DNAI4: variants seen among roughly 807,000 people sequenced by gnomAD.
DNAI4 encodes the protein dynein axonemal intermediate chain 4.
DNAI4 carries 85 observed loss-of-function variants against 105.8 expected under a neutral mutation model. That is an observed-to-expected ratio of 0.80 (90% CI 0.67 to 0.96). DNAI4 has a LOEUF of 0.96. Among genes scored for constraint, DNAI4 ranks in the 40% least tolerant of loss-of-function variants. The pLI is 0.00. For missense variants in DNAI4, 1,014 were observed against 1,005.6 expected (o/e 1.01, Z -0.11); for synonymous variants, 352 against 331.5 (o/e 1.06, Z -0.67).
chr1:66,865,751 C>G (rs1186862065), intron 6 of DNAI4, among the ~76,000 whole-genome samples: 1 of 152,166 alleles, frequency 6.6e-6, no homozygotes, highest in African/African-American at 2.4e-5. Flanking sequence ...GTGCCTCAGC[C>G]AGAAATGACC....
At chr1:66,829,328 T>C (rs1257776312) in intron 13 of DNAI4, among the ~76,000 whole-genome samples, 4 of 152,026 alleles carry the variant, frequency 2.6e-5, no homozygotes, top group Non-Finnish European at 5.9e-5. Context: ...TACAAAAAAA[T>C]TTAAGTATAA....
Position 66,835,754 on chromosome 1 carries a change from A to ACT in DNAI4, c.1603_1604dup (p.Ser535ArgfsTer19), listed in dbSNP as rs1421522832. ...AATCCACAGCAGTAACTCCATATGG[A>ACT]CTCTGATAAATACGTTCTGGCCACT... On this transcript the variant is annotated frameshift_variant, in exon 11 of 17. Coordinates refer to ENST00000371026, the MANE Select transcript of DNAI4 (RefSeq NM_024763.5). LOFTEE classifies it high-confidence loss of function. 1 of 1,613,926 alleles carries ACT rather than the reference A, an allele frequency of 6.2e-7. No homozygotes were observed.
intron 14 of DNAI4, 96 bp downstream of exon 14, chr1:66,827,716 T>C: frequency 1.7e-6 from 1 of 594,762 alleles, no homozygotes; most frequent in African/African-American, 1.9e-5. Context: ...AACTCTGAAG[T>C]TGTAAATTTA....
chr1:66,826,936 C>T lies in DNAI4; in HGVS notation c.2223G>A (p.Leu741=), dbSNP rs373263656. The T allele has an allele frequency of 1.5e-4, 250 of 1,613,996 alleles. No individual in the cohort carries two copies. Among genetic ancestry groups the T allele is most frequent in the Non-Finnish European group, 1.7e-4 (197 of 1,180,032 alleles). Residue 741 remains leucine (L), a synonymous_variant, in exon 15 of 17, where the codon TTG becomes TTA. Coordinates refer to ENST00000371026, the MANE Select transcript of DNAI4 (RefSeq NM_024763.5). ...CAACAGAAGTAGCTGGATAAAAACT[C>T]AAAGATGGCTTGACATTCTCCTGTT... ...IWQQENVKPS[L]SFYPATSVVY...
At chr1:66,902,155 G>T (rs371702445) in intron 2 of DNAI4, among the ~76,000 whole-genome samples, 62 of 152,102 alleles carry the variant, frequency 4.1e-4, no homozygotes, top group African/African-American at 1.5e-3. Flanking sequence ...TTTTCATAGT[G>T]GCCACACCAT....
intron 2 of DNAI4, chr1:66,904,837 T>C (rs1419593734): frequency 1.4e-5 from 3 of 215,448 alleles, no homozygotes; most frequent in Non-Finnish European, 2.7e-5. Context: ...TAATTATGAA[T>C]CTTCTAGTAA....
chr1:66,922,645 C>A (rs1477330158), intron 1 of DNAI4, among the ~76,000 whole-genome samples: 3 of 152,092 alleles, frequency 2.0e-5, no homozygotes, highest in Non-Finnish European at 4.4e-5. Flanking sequence ...GAGTGGTAGT[C>A]TGGATTTATT....
At chr1:66,849,930 A>G (rs1406827712) in intron 7 of DNAI4, among the ~76,000 whole-genome samples, 1 of 152,148 alleles carries the variant, frequency 6.6e-6, no homozygotes, top group African/African-American at 2.4e-5. Context: ...CAACCATAAC[A>G]ACATATGTAC....
intron 4 of DNAI4, among the ~76,000 whole-genome samples, chr1:66,883,483 G>C (rs1647126331): frequency 6.6e-6 from 1 of 151,892 alleles, no homozygotes; most frequent in African/African-American, 2.4e-5. Context: ...TTGCCATGTT[G>C]GCCAGGCTGG....
intron 1 of DNAI4, among the ~76,000 whole-genome samples, chr1:66,906,162 C>T (rs952949057): frequency 3.3e-5 from 5 of 152,048 alleles, no homozygotes; most frequent in Middle Eastern, 3.4e-3. Flanking sequence ...GCCTCGTGAT[C>T]GTCTCACCTC....
intron 4 of DNAI4, among the ~76,000 whole-genome samples, chr1:66,886,236 C>T (rs1247192567): frequency 6.6e-6 from 1 of 152,178 alleles, no homozygotes; most frequent in Non-Finnish European, 1.5e-5. Context: ...ACACCTTGCA[C>T]ATTGTATACT....
chr1:66,888,489 T>A (rs917738550), intron 4 of DNAI4, among the ~76,000 whole-genome samples: 5 of 152,156 alleles, frequency 3.3e-5, no homozygotes, highest in African/African-American at 1.2e-4. Context: ...GGTCAGCAGT[T>A]CAAGACCAGC....
chr1:66,826,988 G>A lies in DNAI4; in HGVS notation c.2171C>T (p.Ser724Phe), dbSNP rs1001054810. Residue 724 changes from serine (S) to phenylalanine (F), a missense_variant, in exon 15 of 17, where the codon TCT becomes TTT. Physicochemically the swap from Ser to Phe is radical, Grantham distance 155. Coordinates refer to ENST00000371026, the MANE Select transcript of DNAI4 (RefSeq NM_024763.5). ...PFCHDVFLSC[S>F]ADWGVIIWQQ... ...CCATATAATAACACCCCAATCTGCA[G>A]AACAGCTTAAAAATACATCATGACA... 6.2e-7 allele frequency: 1 copy of A among 1,613,690 alleles called. No homozygotes were observed. The highest frequency in any genetic ancestry group is 1.3e-5 in the African/African-American group (1 of 74,834).
chr1:66,838,726 C>T (rs1326155400), intron 9 of DNAI4, among the ~76,000 whole-genome samples: 1 of 152,200 alleles, frequency 6.6e-6, no homozygotes, highest in African/African-American at 2.4e-5. Flanking sequence ...AAACAGTCTT[C>T]ACTACTATAT....
At chr1:66,866,941 T>A (rs1042063381) in intron 6 of DNAI4, among the ~76,000 whole-genome samples, 3 of 152,184 alleles carry the variant, frequency 2.0e-5, no homozygotes, top group African/African-American at 7.2e-5. Flanking sequence ...GGAAGGTATG[T>A]CTTGCATGGC....
chr1:66,912,117 G>A (rs1219841687), intron 1 of DNAI4, among the ~76,000 whole-genome samples: 1 of 152,192 alleles, frequency 6.6e-6, no homozygotes, highest in African/African-American at 2.4e-5. Context: ...TGGGATTACA[G>A]GCATAAGCCA....
At chr1:66,853,351 T>C (rs1169406058) in intron 7 of DNAI4, among the ~76,000 whole-genome samples, 3 of 152,198 alleles carry the variant, frequency 2.0e-5, no homozygotes, top group South Asian at 4.2e-4. Flanking sequence ...GATTCTAGTG[T>C]TGACCATTAG....
chr1:66,825,707 A>G (rs1645739248), intron 15 of DNAI4, among the ~76,000 whole-genome samples: 1 of 152,198 alleles, frequency 6.6e-6, no homozygotes. Flanking sequence ...ATTATTTAAG[A>G]AGCCACTTTA....
At chr1:66,865,332 G>A (rs1300339841) in intron 6 of DNAI4, among the ~76,000 whole-genome samples, 6 of 152,110 alleles carry the variant, frequency 3.9e-5, no homozygotes, top group African/African-American at 9.7e-5. Flanking sequence ...GCTGAGGCAC[G>A]AGAATCACTT....
Sources: allele counts gnomAD v4.1 joint callset (sites outside exome capture counted in the v4.1 genomes callset), GRCh38; gene constraint gnomAD v4.1.1; transcripts MANE v1.5; gene names NCBI Gene and HGNC (gene_info 2026-07-23, HGNC 2026-07-21).